Variants in FARP2 observed in about 807,000 individuals in gnomAD.
FARP2 encodes the protein FERM, ARHGEF and pleckstrin domain-containing protein 2.
Under a neutral mutation model 130.5 loss-of-function variants are expected in FARP2, and 111 were observed. The observed-to-expected ratio is 0.85, with a 90% CI of 0.73 to 1.00. FARP2 has a LOEUF of 1.00. Among genes scored for constraint, FARP2 ranks in the 50% least tolerant of loss-of-function variants. The pLI is 0.00. For missense variants in FARP2, 1,385 were observed against 1,346.3 expected (o/e 1.03, Z -0.45); for synonymous variants, 504 against 516.9 (o/e 0.98, Z 0.34).
intron 2 of FARP2, among the ~76,000 whole-genome samples, chr2:241,378,232 G>A (rs978813725): frequency 6.6e-6 from 1 of 150,986 alleles, no homozygotes; most frequent in Non-Finnish European, 1.5e-5. Flanking sequence ...CTACTGAGTA[G>A]TTGGGATTAC....
intron 23 of FARP2, 66 bp from the exon 24 acceptor site, chr2:241,491,450 G>A: frequency 6.4e-7 from 1 of 1,573,760 alleles, no homozygotes; most frequent in Non-Finnish European, 8.7e-7. Flanking sequence ...AACCCAAGGG[G>A]TGGAAGTATT....
intron 2 of FARP2, among the ~76,000 whole-genome samples, chr2:241,392,497 A>G (rs1428329365): frequency 1.3e-5 from 2 of 152,240 alleles, no homozygotes; most frequent in African/African-American, 4.8e-5. Flanking sequence ...GAGCTAGGGT[A>G]TGAATGAATC....
chr2:241,459,419 G>C lies in FARP2; in HGVS notation c.1587+2497G>C, dbSNP rs1482006828. On this transcript the variant is annotated intron_variant, in intron 14 of 26. Coordinates refer to ENST00000264042, the MANE Select transcript of FARP2 (RefSeq NM_014808.4). This position sits in a 1 kb window ranked among gnomAD's most constrained non-coding sequence, Gnocchi z 5.3. ...CTTTTGCACTTGCACCCAGTTGCTG[G>C]GCTGTGCGGGGAGGGGCAAAGAGCT... is the stretch of plus-strand genomic sequence containing the variant. 6.6e-6 allele frequency among the ~76,000 whole-genome samples: 1 copy of C among 152,208 alleles called. No homozygotes were observed. Among genetic ancestry groups the C allele is most frequent in the Non-Finnish European group, 1.5e-5 (1 of 68,030 alleles).
chr2:241,379,664 G>T (rs936309949), intron 2 of FARP2, among the ~76,000 whole-genome samples: 3 of 152,168 alleles, frequency 2.0e-5, no homozygotes, highest in African/African-American at 7.2e-5. Flanking sequence ...AGAAAGTATT[G>T]TAGCCAGATG....
At chr2:241,415,387 CA>C (rs1198482497) in intron 7 of FARP2, among the ~76,000 whole-genome samples, 1 of 152,170 alleles carries the variant, frequency 6.6e-6, no homozygotes, top group African/African-American at 2.4e-5. Flanking sequence ...GTCACTGGTT[CA>C]GTCTGCATTC....
intron 12 of FARP2, among the ~76,000 whole-genome samples, chr2:241,437,674 T>TTTATTTA (rs1373609619): frequency 0.15 from 20,703 of 135,632 alleles, 1,795 homozygotes; most frequent in East Asian, 0.36. Flanking sequence ...TTATTTATTT[T>TTTATTTA]TTTTTTTTGA....
intron 2 of FARP2, among the ~76,000 whole-genome samples, chr2:241,390,343 G>A (rs2061877409): frequency 6.6e-6 from 1 of 152,238 alleles, no homozygotes; most frequent in African/African-American, 2.4e-5. Context: ...CTTCAGGACA[G>A]GAGTCACGAG....
In FARP2 at chr2:241,493,271, GTGTCCC is replaced by G; in HGVS notation, c.2896-20_2896-15del. On this transcript the variant is annotated splice_polypyrimidine_tract_variant and intron_variant, in intron 25 of 26. Transcript: ENST00000264042. ...TGTGGCAACCCAGCCCCTGGAACCCGTGTCCCTATGCTGTCTTGCAGGATGACTACC... is the reference window on the plus strand; with the variant it reads ...TGTGGCAACCCAGCCCCTGGAACCCGTATGCTGTCTTGCAGGATGACTACC... 2 of 1,610,620 alleles carry G rather than the reference GTGTCCC, an allele frequency of 1.2e-6. No individual in the cohort carries two copies. Among genetic ancestry groups the G allele is most frequent in the Non-Finnish European group, 1.7e-6 (2 of 1,177,860 alleles).
chr2:241,360,804 C>T (rs73116359), intron 1 of FARP2, among the ~76,000 whole-genome samples: 1 of 151,836 alleles, frequency 6.6e-6, no homozygotes, highest in Non-Finnish European at 1.5e-5. Flanking sequence ...TGTAATATTT[C>T]TTCCTTTGGC....
chr2:241,477,195 T>G (rs925063047), intron 19 of FARP2, among the ~76,000 whole-genome samples: 17 of 148,646 alleles, frequency 1.1e-4, no homozygotes, highest in Non-Finnish European at 4.5e-5. Flanking sequence ...AGTGCCGCGA[T>G]CTTGGCTCAC....
intron 2 of FARP2, among the ~76,000 whole-genome samples, chr2:241,381,687 C>T (rs776612104): frequency 6.6e-5 from 10 of 152,188 alleles, no homozygotes; most frequent in Non-Finnish European, 1.3e-4. Flanking sequence ...CTCCAGAGAG[C>T]TGATGGTAGA....
intron 4 of FARP2, among the ~76,000 whole-genome samples, chr2:241,405,718 G>A (rs2062316261): frequency 6.6e-6 from 1 of 152,138 alleles, no homozygotes; most frequent in Non-Finnish European, 1.5e-5. Flanking sequence ...CAGATCACCT[G>A]AGGTCAGGAG....
intron 12 of FARP2, among the ~76,000 whole-genome samples, chr2:241,437,096 T>G (rs2063251086): frequency 6.6e-6 from 1 of 152,152 alleles, no homozygotes; most frequent in African/African-American, 2.4e-5. Context: ...CTAACTATGT[T>G]TTTAGCTGTA....
chr2:241,407,089 T>C (rs1001628761), intron 4 of FARP2, among the ~76,000 whole-genome samples: 1 of 152,198 alleles, frequency 6.6e-6, no homozygotes, highest in East Asian at 1.9e-4. Context: ...ATTACAGGCG[T>C]GAGCCACCGC....
At chr2:241,416,028 T>TGTCTGG (rs901072578) in intron 7 of FARP2, among the ~76,000 whole-genome samples, 3 of 141,012 alleles carry the variant, frequency 2.1e-5, no homozygotes, top group Non-Finnish European at 3.2e-5. Flanking sequence ...TGTGTGTGTG[T>TGTCTGG]GTGTGTCTGG....
Position 241,463,896 on chromosome 2 carries a change from C to T in FARP2, c.1812-3C>T, listed in dbSNP as rs1397987225. 6.2e-7 allele frequency: 1 copy of T among 1,613,146 alleles called. No individual in the cohort carries two copies. The highest frequency in any genetic ancestry group is 8.5e-7 in the Non-Finnish European group (1 of 1,179,270). The stretch of plus-strand genomic sequence containing the variant: ...TAGGATGACTTTGTTTCTTTTTACT[C>T]AGGGAAGGGCCCTCCAAAGCCCACA... On this transcript the variant is annotated splice_region_variant and splice_polypyrimidine_tract_variant and intron_variant, in intron 16 of 26. Coordinates refer to ENST00000264042, the MANE Select transcript of FARP2 (RefSeq NM_014808.4).
chr2:241,366,009 C>G (rs1206986359), intron 1 of FARP2, among the ~76,000 whole-genome samples: 1 of 140,072 alleles, frequency 7.1e-6, no homozygotes, highest in Non-Finnish European at 1.5e-5. Context: ...ATACATACCA[C>G]TTTGGGAGGT....
intron 21 of FARP2, among the ~76,000 whole-genome samples, chr2:241,485,045 C>G (rs1029697494): frequency 1.3e-5 from 2 of 152,102 alleles, no homozygotes; most frequent in African/African-American, 4.8e-5. Context: ...TCTGCCCTAT[C>G]CCTCTTGGCT....
At chr2:241,473,005 G>C (rs1356213817) in intron 18 of FARP2, among the ~76,000 whole-genome samples, 1 of 148,372 alleles carries the variant, frequency 6.7e-6, no homozygotes, top group Non-Finnish European at 1.5e-5. Context: ...TGAGGGGGCT[G>C]CTGCTCTATG....
Sources: gnomAD v4.1 joint callset for allele counts (sites outside exome capture counted in the v4.1 genomes callset) on GRCh38, gnomAD v4.1.1 for gene constraint, Gnocchi (gnomAD v3.1) non-coding constraint, MANE v1.5 for transcripts, NCBI Gene and HGNC (gene_info 2026-07-23, HGNC 2026-07-21) for gene names.